AHCY: variants seen among roughly 807,000 people sequenced by gnomAD.
The protein encoded by AHCY is S-adenosyl-L-homocysteine hydrolase.
AHCY carries 24 observed loss-of-function variants against 45.4 expected under a neutral mutation model. The observed-to-expected ratio is 0.53, with a 90% CI of 0.38 to 0.74. AHCY has a LOEUF of 0.74. Among genes scored for constraint, AHCY ranks in the 30% least tolerant of loss-of-function variants. The pLI is 0.00. For synonymous variants in AHCY, 245 were observed against 235.1 expected (o/e 1.04, Z -0.39); for missense variants, 449 against 594.1 (o/e 0.76, Z 2.54).
chr20:34,297,592 G>A (rs999947903), intron 1 of AHCY, among the ~76,000 whole-genome samples: 3 of 151,942 alleles, frequency 2.0e-5, no homozygotes, highest in African/African-American at 4.8e-5. Flanking sequence ...CACCACACCT[G>A]GCCAAGATAT....
chr20:34,244,752 T>C, the AHCY span, among the ~76,000 whole-genome samples: 1 of 152,232 alleles, frequency 6.6e-6, no homozygotes, highest in Non-Finnish European at 1.5e-5. Context: ...TTAAGGCTTT[T>C]AGCATACTTT....
chr20:34,283,354 T>G (rs959180976), intron 9 of AHCY, among the ~76,000 whole-genome samples: 2 of 152,110 alleles, frequency 1.3e-5, no homozygotes, highest in Non-Finnish European at 2.9e-5. Context: ...GGATCACTCA[T>G]CTCTCAAGGC....
intron 1 of AHCY, among the ~76,000 whole-genome samples, chr20:34,302,150 G>A (rs762618016): frequency 7.2e-5 from 11 of 152,054 alleles, no homozygotes; most frequent in African/African-American, 2.2e-4. Flanking sequence ...GAAGGCGCCC[G>A]CCACCACGCC....
At chr20:34,305,808 C>T (rs569182230), upstream of AHCY, among the ~76,000 whole-genome samples, 2 of 152,026 alleles carry the variant, frequency 1.3e-5, no homozygotes, top group Non-Finnish European at 2.9e-5. Flanking sequence ...ACGGACCAGG[C>T]GCAGTGACTC....
the AHCY span, among the ~76,000 whole-genome samples, chr20:34,256,821 G>A: frequency 6.6e-6 from 1 of 152,038 alleles, no homozygotes; most frequent in Admixed American, 6.6e-5. Context: ...TGTTGCCCAG[G>A]CTGGGTAACA....
chr20:34,291,661 C>A, intron 4 of AHCY, 130 bp from the exon 5 acceptor site: 1 of 846,964 alleles, frequency 1.2e-6, no homozygotes, highest in Non-Finnish European at 1.9e-6. Flanking sequence ...ACAGGCCCCC[C>A]AATCACCCAG....
chr20:34,285,674 C>G (rs1427638419), intron 8 of AHCY, 40 bp from the exon 9 acceptor site: 8 of 1,605,492 alleles, frequency 5.0e-6, no homozygotes, highest in Non-Finnish European at 6.8e-6. Context: ...AGGCAGGGCC[C>G]CGCTCCCACA....
chr20:34,269,227 C>A, the AHCY span: 9 of 1,431,814 alleles, frequency 6.3e-6, no homozygotes, highest in East Asian at 8.0e-5. Context: ...GCTTCTCGGG[C>A]GGGTGATCCC....
At chr20:34,285,725 T>A (rs34988314) in intron 8 of AHCY, 91 bp from the exon 9 acceptor site, 14 of 1,452,978 alleles carry the variant, frequency 9.6e-6, no homozygotes, top group Non-Finnish European at 1.3e-5. Flanking sequence ...CCTCCAACAG[T>A]GCCCATGAGG....
At position 34,300,536 on chromosome 20, in the gene AHCY, G is replaced by A. The variant is rs144366849; in HGVS notation, c.28+2707C>T. ...CAGGGCTTTAACCCAAGCAGTTCTC[G>A]GCCTGGAAGGCTCCTCTCAAGCACC... On this transcript the variant is annotated intron_variant, in intron 1 of 9. Transcript: ENST00000217426. Among the ~76,000 whole-genome samples, 389 of 152,176 alleles carry A rather than the reference G, an allele frequency of 2.6e-3. 2 individuals carry two copies. The highest frequency in any genetic ancestry group is 8.6e-3 in the African/African-American group (356 of 41,468).
At chr20:34,261,725 C>T in the AHCY span, among the ~76,000 whole-genome samples, 7 of 152,078 alleles carry the variant, frequency 4.6e-5, no homozygotes, top group African/African-American at 1.7e-4. Context: ...TTGCTTGAGC[C>T]CAGGAGGTCG....
chr20:34,289,934 T>C (rs564364029), intron 8 of AHCY, among the ~76,000 whole-genome samples: 20 of 152,250 alleles, frequency 1.3e-4, no homozygotes, highest in African/African-American at 4.6e-4. Flanking sequence ...GCTGTGTCCT[T>C]TGTTACTCTG....
chr20:34,274,863 A>G, the AHCY span, among the ~76,000 whole-genome samples: 2 of 152,150 alleles, frequency 1.3e-5, no homozygotes, highest in African/African-American at 4.8e-5. Flanking sequence ...CTGAGGCAGG[A>G]GGATCGCTTG....
chr20:34,290,429 T>C lies in AHCY; in HGVS notation c.875A>G (p.Asp292Gly), dbSNP rs1234006772. 1.9e-6 allele frequency: 3 copies of C among 1,614,100 alleles called. No homozygotes were observed. The Admixed American group carries it at 5.0e-5, about 27-fold the overall frequency. The change falls in exon 8 of 10, where the codon GAT (aspartate) becomes GGT (glycine). Residue 292 changes from aspartate (D) to glycine (G), a missense_variant. By Grantham distance (94) the Asp-to-Gly change is moderately conservative (BLOSUM62 -1). Transcript: ENST00000217426. This position sits in a 1 kb window ranked among gnomAD's most constrained non-coding sequence, Gnocchi z 4.5. ...TCCAATGTTACACACAATGGCATCA[T>C]CCTTCATCTGCTCAAAGTGCCTGTC... is the stretch of plus-strand genomic sequence containing the variant. Reference protein sequence around the residue: ...ILGRHFEQMKDDAIVCNIGHF... With the variant: ...ILGRHFEQMKGDAIVCNIGHF...
intron 2 of AHCY, among the ~76,000 whole-genome samples, chr20:34,294,825 G>A (rs1047660781): frequency 3.3e-5 from 5 of 152,186 alleles, no homozygotes; most frequent in African/African-American, 1.2e-4. Flanking sequence ...ACCAGATAGT[G>A]TCTAAAGCTA....
downstream of AHCY, among the ~76,000 whole-genome samples, chr20:34,277,995 C>T (rs931808348): frequency 1.2e-4 from 19 of 152,296 alleles, no homozygotes; most frequent in African/African-American, 4.3e-4. Context: ...CCAACCAGGG[C>T]TAGGCCTGGA....
chr20:34,293,999 G>T, intron 3 of AHCY, 82 bp downstream of exon 3: 1 of 1,396,110 alleles, frequency 7.2e-7, no homozygotes, highest in Non-Finnish European at 1.0e-6. Flanking sequence ...ATGTAAGGAA[G>T]TCTGTTGCTC....
chr20:34,310,405 C>A (rs986924055), intron 1 of AHCY, among the ~76,000 whole-genome samples: 3 of 152,118 alleles, frequency 2.0e-5, no homozygotes, highest in Non-Finnish European at 4.4e-5. Flanking sequence ...AAAAAGTTTA[C>A]AGTTTAATAA....
intron 1 of AHCY, among the ~76,000 whole-genome samples, chr20:34,296,358 A>G (rs2036577914): frequency 6.6e-6 from 1 of 152,186 alleles, no homozygotes. Flanking sequence ...GGGTTCAATA[A>G]GCAGGATCAT....
Sources: allele counts gnomAD v4.1 joint callset (sites outside exome capture counted in the v4.1 genomes callset), GRCh38; gene constraint gnomAD v4.1.1; non-coding constraint Gnocchi (gnomAD v3.1); transcripts MANE v1.5; gene names NCBI Gene and HGNC (gene_info 2026-07-23, HGNC 2026-07-21).